TASP1: variants seen among roughly 807,000 people sequenced by gnomAD.
TASP1 encodes threonine aspartase 1.
In TASP1, 16 loss-of-function variants were observed where a neutral mutation model predicts 56.6. The observed-to-expected ratio is 0.28, with a 90% CI of 0.19 to 0.43. TASP1 has a LOEUF of 0.43. Ranked by LOEUF, TASP1 falls within the 20% of genes least tolerant of loss-of-function variation. The pLI is 1.00. For synonymous variants in TASP1, 179 were observed against 184.2 expected, an observed-to-expected ratio of 0.97 and a Z score of 0.23; for missense variants, 393 against 511.6, an observed-to-expected ratio of 0.77 and a Z score of 2.24.
intron 9 of TASP1, 75 bp downstream of exon 9, chr20:13,533,947 T>A (rs1298779599): frequency 6.0e-6 from 9 of 1,511,298 alleles, no homozygotes; most frequent in Non-Finnish European, 8.0e-6. Flanking sequence ...ATGTTCCCAC[T>A]GGTTAAAAAA....
the TASP1 span, among the ~76,000 whole-genome samples, chr20:13,364,881 G>A: frequency 6.6e-6 from 1 of 152,056 alleles, no homozygotes; most frequent in South Asian, 2.1e-4. Flanking sequence ...TCTCCTGTTT[G>A]CCACTCTGGC....
chr20:13,621,846 T>C (rs2048727893), intron 4 of TASP1, among the ~76,000 whole-genome samples: 1 of 152,228 alleles, frequency 6.6e-6, no homozygotes, highest in African/African-American at 2.4e-5. Flanking sequence ...TCTAGTATAT[T>C]CTCCAGATAC....
the TASP1 span, among the ~76,000 whole-genome samples, chr20:13,210,840 A>C: frequency 6.6e-6 from 1 of 152,166 alleles, no homozygotes; most frequent in East Asian, 1.9e-4. Flanking sequence ...TACATGACAA[A>C]CCACATTTTT....
the TASP1 span, chr20:13,221,736 C>T: frequency 3.0e-5 from 40 of 1,349,532 alleles, no homozygotes; most frequent in Non-Finnish European, 3.7e-5. Context: ...CCGCCGCCGC[C>T]GGCCGCCGCG....
At chr20:13,560,644 G>C (rs138553329) in intron 7 of TASP1, among the ~76,000 whole-genome samples, 2 of 152,074 alleles carry the variant, frequency 1.3e-5, no homozygotes, top group African/African-American at 4.8e-5. Flanking sequence ...AGAAGGTAGA[G>C]AAAAAGAAAG....
At chr20:13,298,381 G>T in the TASP1 span, among the ~76,000 whole-genome samples, 1 of 152,174 alleles carries the variant, frequency 6.6e-6, no homozygotes, top group African/African-American at 2.4e-5. Context: ...CTCCCAAAGT[G>T]CTGGGATTAC....
chr20:13,439,366 T>A (rs1417483515), intron 11 of TASP1, among the ~76,000 whole-genome samples: 1 of 152,140 alleles, frequency 6.6e-6, no homozygotes, highest in Non-Finnish European at 1.5e-5. Flanking sequence ...GGGACATGGA[T>A]AAAGCTGGAA....
chr20:13,434,885 A>G (rs117690837), intron 12 of TASP1, among the ~76,000 whole-genome samples, 159 bp downstream of exon 12: 1,714 of 152,314 alleles, frequency 0.011, 20 homozygotes, highest in Middle Eastern at 0.024. Context: ...TTACATGCTT[A>G]TCTACGGAAA....
intron 9 of TASP1, among the ~76,000 whole-genome samples, chr20:13,530,302 T>C (rs535715318): frequency 3.0e-4 from 46 of 152,318 alleles, no homozygotes; most frequent in South Asian, 1.7e-3. Flanking sequence ...ACTCTCAATA[T>C]GGTAGACATT....
chr20:13,245,765 CCTCTG>C, the TASP1 span, among the ~76,000 whole-genome samples: 1 of 152,202 alleles, frequency 6.6e-6, no homozygotes, highest in Non-Finnish European at 1.5e-5. Context: ...CTGTTGCTCT[CCTCTG>C]CTCACAAACT....
chr20:13,192,764 T>A, the TASP1 span, among the ~76,000 whole-genome samples: 2 of 151,852 alleles, frequency 1.3e-5, no homozygotes, highest in Non-Finnish European at 2.9e-5. Flanking sequence ...GGTCTCACTA[T>A]GTTGGTCACA....
chr20:13,602,985 C>G (rs1479604113), intron 4 of TASP1, among the ~76,000 whole-genome samples: 1 of 151,842 alleles, frequency 6.6e-6, no homozygotes, highest in African/African-American at 2.4e-5. Context: ...AATCCCAACA[C>G]TTTGGGAGGC....
At chr20:13,322,065 CAG>C in the TASP1 span, among the ~76,000 whole-genome samples, 8 of 152,158 alleles carry the variant, frequency 5.3e-5, no homozygotes, top group Non-Finnish European at 8.8e-5. Context: ...GTGATTGGCA[CAG>C]AGTGTTCAAT....
intron 10 of TASP1, among the ~76,000 whole-genome samples, chr20:13,512,757 C>T (rs1001387011): frequency 6.6e-6 from 1 of 152,232 alleles, no homozygotes; most frequent in East Asian, 1.9e-4. Context: ...AGTCTTTGAT[C>T]CATCTTGAAT....
chr20:13,419,093 A>C (rs1405414243), intron 12 of TASP1, among the ~76,000 whole-genome samples: 1 of 152,228 alleles, frequency 6.6e-6, no homozygotes, highest in Non-Finnish European at 1.5e-5. Context: ...GTTAGACAGT[A>C]GTGTTGTATC....
At chr20:13,216,226 T>C in the TASP1 span, among the ~76,000 whole-genome samples, 6 of 152,212 alleles carry the variant, frequency 3.9e-5, no homozygotes, top group Admixed American at 1.3e-4. Flanking sequence ...GTGAGAGTGA[T>C]AGTTGAACTT....
chr20:13,410,564 T>C (rs1264805090), intron 13 of TASP1, among the ~76,000 whole-genome samples: 1 of 152,222 alleles, frequency 6.6e-6, no homozygotes, highest in Non-Finnish European at 1.5e-5. Context: ...ATGATTTGCA[T>C]TTCCCTGATG....
chr20:13,615,653 C>T (rs1343999179), intron 4 of TASP1, among the ~76,000 whole-genome samples: 1 of 151,252 alleles, frequency 6.6e-6, no homozygotes, highest in African/African-American at 2.4e-5. Context: ...TACAGGCACC[C>T]GGACTACACC....
chr20:13,443,387 G>A (rs902507929), intron 11 of TASP1, among the ~76,000 whole-genome samples: 4 of 152,162 alleles, frequency 2.6e-5, no homozygotes, highest in African/African-American at 9.7e-5. Context: ...GGGAACTGGG[G>A]ACAAAAATTA....
Sources: gnomAD v4.1 joint callset for allele counts (sites outside exome capture counted in the v4.1 genomes callset) on GRCh38, gnomAD v4.1.1 for gene constraint, MANE v1.5 for transcripts, NCBI Gene and HGNC (gene_info 2026-07-23, HGNC 2026-07-21) for gene names.